ST8SIA5: variants seen among roughly 807,000 people sequenced by gnomAD.
ST8SIA5 encodes alpha-2,8-sialyltransferase 8E.
Under a neutral mutation model 40.2 loss-of-function variants are expected in ST8SIA5, and 24 were observed. That is an observed-to-expected ratio of 0.60 (90% CI 0.43 to 0.84). The LOEUF is 0.84. Among genes scored for constraint, ST8SIA5 ranks in the 40% least tolerant of loss-of-function variants. ST8SIA5 has a pLI of 0.00. For missense variants in ST8SIA5, 465 were observed against 498.5 expected, an observed-to-expected ratio of 0.93 and a Z score of 0.64; for synonymous variants, 198 against 201.8, an observed-to-expected ratio of 0.98 and a Z score of 0.16.
chr18:46,708,694 C>A (rs1423560750), intron 1 of ST8SIA5, among the ~76,000 whole-genome samples: 1 of 152,188 alleles, frequency 6.6e-6, no homozygotes, highest in East Asian at 1.9e-4. Flanking sequence ...AACCTGCAAA[C>A]CCTGCCTCAC....
In ST8SIA5 at chr18:46,713,106, C is replaced by T. The variant is rs188137420; in HGVS notation, c.132-8442G>A. 1.3e-3 allele frequency among the ~76,000 whole-genome samples: 205 copies of T among 152,124 alleles called. 4 individuals are homozygous for T. The highest frequency in any genetic ancestry group is 0.013 in the Admixed American group (195 of 15,278). ...GTATCATGGGGACTCGGCAGAGGAACAACGTGATCTGATGTGGGGATAAAG... is the reference window on the plus strand; with the variant it reads ...GTATCATGGGGACTCGGCAGAGGAATAACGTGATCTGATGTGGGGATAAAG... On this transcript the variant is annotated intron_variant, in intron 1 of 6. Transcript: ENST00000315087.
chr18:46,710,440 TC>T (rs1179277858), intron 1 of ST8SIA5, among the ~76,000 whole-genome samples: 1 of 151,226 alleles, frequency 6.6e-6, no homozygotes, highest in Non-Finnish European at 1.5e-5. Context: ...TCTTTCTTTT[TC>T]TTTTTCTTTC....
chr18:46,698,201 A>G (rs2039575879), intron 2 of ST8SIA5, among the ~76,000 whole-genome samples: 2 of 152,050 alleles, frequency 1.3e-5, no homozygotes, highest in Non-Finnish European at 2.9e-5. Flanking sequence ...TCATCACACC[A>G]ACAATCAAAA....
chr18:46,682,704 C>A (rs1246407881), intron 5 of ST8SIA5, among the ~76,000 whole-genome samples: 2 of 152,148 alleles, frequency 1.3e-5, no homozygotes, highest in Non-Finnish European at 2.9e-5. Context: ...TGAGATGGAG[C>A]CATTGCCCTG....
At chr18:46,700,136 G>T (rs1327356692) in intron 2 of ST8SIA5, among the ~76,000 whole-genome samples, 1 of 152,212 alleles carries the variant, frequency 6.6e-6, no homozygotes, top group Non-Finnish European at 1.5e-5. Context: ...TAGTGACAAT[G>T]AGTTTTCATA....
rs1242686185 is a variant in ST8SIA5, at chr18:46,680,018, G to A, written c.*24C>T. 1.7e-5 allele frequency: 27 copies of A among 1,580,890 alleles called. No homozygotes were observed. Among genetic ancestry groups the A allele is most frequent in the Non-Finnish European group, 2.2e-5 (26 of 1,162,244 alleles). On this transcript the variant is annotated 3_prime_UTR_variant, in exon 7 of 7. Coordinates refer to ENST00000315087, the MANE Select transcript of ST8SIA5 (RefSeq NM_013305.6). ...GACAGCAGGAGAGGGGGCGCCGCTT[G>A]CCGGGCAGCCTGGCTGGCAGCCATC...
At chr18:46,734,840 C>T (rs576487522) in intron 1 of ST8SIA5, among the ~76,000 whole-genome samples, 1 of 152,212 alleles carries the variant, frequency 6.6e-6, no homozygotes, top group Non-Finnish European at 1.5e-5. Flanking sequence ...CAAGAGAGCA[C>T]CCTGTTTCAT....
In ST8SIA5 at chr18:46,674,885, AG is replaced by A. The variant is rs1444070815; in HGVS notation, c.*5156del. 1.3e-5 allele frequency: 2 copies of A among 152,232 alleles called. No homozygotes were observed. The highest frequency in any genetic ancestry group is 4.8e-5 in the African/African-American group (2 of 41,432). The allele number at this position is 152,232 out of a possible 1,614,324, so 9.4% of individuals were successfully genotyped here. On this transcript the variant is annotated 3_prime_UTR_variant, in exon 7 of 7. Transcript: ENST00000315087. The stretch of plus-strand genomic sequence containing the variant: ...CCAGGTGTTTGAACAGAGTGTGCAA[AG>A]GTGCCTGGAATAGTATGGGATAGGG...
At chr18:46,687,084 G>C (rs1011553159) in intron 4 of ST8SIA5, among the ~76,000 whole-genome samples, 1 of 152,190 alleles carries the variant, frequency 6.6e-6, no homozygotes, top group Non-Finnish European at 1.5e-5. Flanking sequence ...AGGGACAAGC[G>C]AACTACATAC....
chr18:46,714,638 G>A (rs190273927), intron 1 of ST8SIA5, among the ~76,000 whole-genome samples: 1 of 152,250 alleles, frequency 6.6e-6, no homozygotes, highest in East Asian at 1.9e-4. Flanking sequence ...GTGCGTCTGG[G>A]GCGAACCTAG....
In ST8SIA5 at chr18:46,680,030, G is replaced by A. The variant is rs1236607555; in HGVS notation, c.*12C>T. 12 of 1,592,480 alleles carry A rather than the reference G, an allele frequency of 7.5e-6. No homozygotes were observed. Among genetic ancestry groups the A allele is most frequent in the Non-Finnish European group, 1.0e-5 (12 of 1,167,658 alleles). ...GGGGGCGCCGCTTGCCGGGCAGCCT[G>A]GCTGGCAGCCATCAGCAGCAGCTGC... On this transcript the variant is annotated 3_prime_UTR_variant, in exon 7 of 7. Coordinates refer to ENST00000315087, the MANE Select transcript of ST8SIA5 (RefSeq NM_013305.6).
chr18:46,700,300 T>G (rs1316994836), intron 2 of ST8SIA5, among the ~76,000 whole-genome samples: 2 of 152,234 alleles, frequency 1.3e-5, no homozygotes, highest in Non-Finnish European at 2.9e-5. Flanking sequence ...CCTCCCTGTC[T>G]CCTCAAACAA....
At chr18:46,738,787 G>A (rs1441069306) in intron 1 of ST8SIA5, among the ~76,000 whole-genome samples, 1 of 151,030 alleles carries the variant, frequency 6.6e-6, no homozygotes, top group South Asian at 2.1e-4. Flanking sequence ...CCCCTGGGTC[G>A]GGGGAGAGTT....
chr18:46,753,170 G>GCA (rs1338449150), intron 1 of ST8SIA5, among the ~76,000 whole-genome samples: 3 of 152,072 alleles, frequency 2.0e-5, no homozygotes, highest in Non-Finnish European at 4.4e-5. Flanking sequence ...ATCCCTGCGC[G>GCA]CACACACATA....
chr18:46,734,961 A>G (rs2040019963), intron 1 of ST8SIA5, among the ~76,000 whole-genome samples: 1 of 152,210 alleles, frequency 6.6e-6, no homozygotes, highest in African/African-American at 2.4e-5. Flanking sequence ...GGAGATTAAC[A>G]TTTCAGTCAG....
At chr18:46,689,724 C>G (rs2039485281) in intron 3 of ST8SIA5, among the ~76,000 whole-genome samples, 2 of 151,132 alleles carry the variant, frequency 1.3e-5, no homozygotes, top group African/African-American at 4.9e-5. Context: ...CAGGCAAGCA[C>G]CACCATGCCT....
At chr18:46,753,605 A>G (rs1357901367) in intron 1 of ST8SIA5, among the ~76,000 whole-genome samples, 1 of 151,972 alleles carries the variant, frequency 6.6e-6, no homozygotes, top group Admixed American at 6.6e-5. Flanking sequence ...AAAAGAAAAA[A>G]GAGCAAATCC....
chr18:46,714,232 T>A (rs2039762701), intron 1 of ST8SIA5, among the ~76,000 whole-genome samples: 1 of 152,020 alleles, frequency 6.6e-6, no homozygotes, highest in African/African-American at 2.4e-5. Flanking sequence ...AGACATGCAG[T>A]GGAAAACTGG....
chr18:46,742,642 T>G (rs1488491303), intron 1 of ST8SIA5, among the ~76,000 whole-genome samples: 1 of 152,234 alleles, frequency 6.6e-6, no homozygotes, highest in African/African-American at 2.4e-5. Context: ...AGGGCATAGC[T>G]GAACAAAAGG....
Sources: allele counts gnomAD v4.1 joint callset (sites outside exome capture counted in the v4.1 genomes callset), GRCh38; gene constraint gnomAD v4.1.1; transcripts MANE v1.5; gene names NCBI Gene and HGNC (gene_info 2026-07-23, HGNC 2026-07-21).